The following ZFAND3 variants were observed in gnomAD, a reference collection of about 807,000 sequenced individuals.
ZFAND3 encodes AN1-type zinc finger protein 3.
A neutral mutation model predicts 29.6 loss-of-function variants in ZFAND3; 10 were observed. The ratio of observed to expected loss-of-function variants is 0.34; its 90% CI spans 0.21 to 0.57. ZFAND3 has a LOEUF of 0.57. ZFAND3 is among the 20% of genes least tolerant of loss of function. ZFAND3 has a pLI of 0.86. For missense variants in ZFAND3, 230 were observed against 304.5 expected, an observed-to-expected ratio of 0.76 and a Z score of 1.82; for synonymous variants, 128 against 112.6, an observed-to-expected ratio of 1.14 and a Z score of -0.87.
chr6:37,949,898 A>T (rs1761966855), intron 2 of ZFAND3, among the ~76,000 whole-genome samples: 2 of 152,128 alleles, frequency 1.3e-5, no homozygotes, highest in African/African-American at 2.4e-5. Flanking sequence ...TTGGGTTTTT[A>T]TGGAAGCTTC....
chr6:37,980,261 C>T (rs1029690545), intron 2 of ZFAND3, among the ~76,000 whole-genome samples: 1 of 151,924 alleles, frequency 6.6e-6, no homozygotes, highest in African/African-American at 2.4e-5. Flanking sequence ...AAATCCAGTC[C>T]CTGTTAACCT....
At chr6:37,831,746 A>G (rs1482989657) in intron 1 of ZFAND3, among the ~76,000 whole-genome samples, 1 of 152,172 alleles carries the variant, frequency 6.6e-6, no homozygotes, top group Non-Finnish European at 1.5e-5. Flanking sequence ...GCACAGAGGA[A>G]TGGGAAAGTG....
At chr6:37,844,438 C>T (rs1357039190) in intron 1 of ZFAND3, among the ~76,000 whole-genome samples, 2 of 151,986 alleles carry the variant, frequency 1.3e-5, no homozygotes, top group South Asian at 2.1e-4. Flanking sequence ...CCCGCCACCA[C>T]ACCCGGCTAA....
intron 2 of ZFAND3, among the ~76,000 whole-genome samples, chr6:38,009,999 T>G (rs1763118202): frequency 6.6e-6 from 1 of 152,206 alleles, no homozygotes; most frequent in Non-Finnish European, 1.5e-5. Flanking sequence ...CTATGGCATA[T>G]TTCTGGTCGC....
In ZFAND3 at chr6:37,940,358, G is replaced by A. The variant is rs531276083; in HGVS notation, c.112+10359G>A. Among the ~76,000 whole-genome samples, 19 of 152,246 alleles carry A rather than the reference G, an allele frequency of 1.2e-4. 1 individual carries two copies. In the South Asian group the frequency reaches 3.9e-3, roughly 32 times the overall value. ...TTTTTCCTGGATATAATACCCACTT[G>A]TACTTAATTCTTAGTCCACAGTAGG... On this transcript the variant is annotated intron_variant, in intron 2 of 5. Transcript: ENST00000287218.
At chr6:38,141,426 T>G (rs903280412) in intron 5 of ZFAND3, among the ~76,000 whole-genome samples, 2 of 152,232 alleles carry the variant, frequency 1.3e-5, no homozygotes, top group African/African-American at 4.8e-5. Flanking sequence ...AGCTCCTCTC[T>G]GATGTCCTTG....
chr6:37,902,053 C>G (rs1282615096), intron 1 of ZFAND3, among the ~76,000 whole-genome samples: 1 of 151,952 alleles, frequency 6.6e-6, no homozygotes, highest in Non-Finnish European at 1.5e-5. Context: ...TTAAATTCAG[C>G]GTTTGTATTT....
At chr6:38,138,898 C>T (rs76626862) in intron 5 of ZFAND3, among the ~76,000 whole-genome samples, 1 of 152,032 alleles carries the variant, frequency 6.6e-6, no homozygotes, top group African/African-American at 2.4e-5. Context: ...CATTGGATAT[C>T]GGGATTTGGA....
intron 5 of ZFAND3, among the ~76,000 whole-genome samples, chr6:38,142,787 A>G (rs1036702500): frequency 6.6e-6 from 1 of 152,230 alleles, no homozygotes; most frequent in Admixed American, 6.5e-5. Flanking sequence ...GGTTAATGCC[A>G]TCTGCTTTCA....
chr6:38,151,453 T>C (rs1766223324), intron 5 of ZFAND3, among the ~76,000 whole-genome samples: 1 of 149,806 alleles, frequency 6.7e-6, no homozygotes, highest in Admixed American at 6.6e-5. Context: ...GGGGTCCGAG[T>C]GTGGGCATCT....
intron 2 of ZFAND3, among the ~76,000 whole-genome samples, chr6:37,934,085 T>A (rs1490974434): frequency 2.0e-5 from 3 of 151,846 alleles, no homozygotes; most frequent in African/African-American, 7.3e-5. Context: ...ACAGAGTTTC[T>A]CCATGTTGGT....
chr6:38,100,932 A>T (rs1385832204), intron 4 of ZFAND3, among the ~76,000 whole-genome samples: 1 of 152,246 alleles, frequency 6.6e-6, no homozygotes, highest in East Asian at 1.9e-4. Context: ...AATCGCAGAC[A>T]TGACACCCTT....
At chr6:37,867,809 C>G (rs1056357340) in intron 1 of ZFAND3, among the ~76,000 whole-genome samples, 14 of 152,234 alleles carry the variant, frequency 9.2e-5, no homozygotes, top group Non-Finnish European at 1.9e-4. Flanking sequence ...TGACATGAAC[C>G]TGAATATTAG....
intron 2 of ZFAND3, among the ~76,000 whole-genome samples, chr6:37,981,373 G>C (rs1762577213): frequency 6.6e-6 from 1 of 152,142 alleles, no homozygotes; most frequent in Non-Finnish European, 1.5e-5. Flanking sequence ...TTTCAGATTT[G>C]GACTAAGTGA....
intron 2 of ZFAND3, 58 bp from the exon 3 acceptor site, chr6:38,061,535 T>G: frequency 1.3e-6 from 2 of 1,591,314 alleles, no homozygotes; most frequent in Non-Finnish European, 1.7e-6. Context: ...TTCCATTGTT[T>G]TCTAATCCTC....
In ZFAND3 at chr6:38,036,814, A is replaced by G. The variant is rs112612787; in HGVS notation, c.113-24779A>G. On this transcript the variant is annotated intron_variant, in intron 2 of 5. Transcript: ENST00000287218. Reference sequence around the variant, plus strand: ...TTTTAACAGAAACAGGGTCTTAACTATGTTTTCCAGGCTGGTCTCAAACCC... The same window carrying G: ...TTTTAACAGAAACAGGGTCTTAACTGTGTTTTCCAGGCTGGTCTCAAACCC... 8.5e-4 allele frequency among the ~76,000 whole-genome samples: 129 copies of G among 152,224 alleles called. 1 individual carries two copies. Among genetic ancestry groups the G allele is most frequent in the African/African-American group, 1.3e-3 (52 of 41,516 alleles).
At chr6:37,822,633 T>TGACAGA (rs1763687514) in intron 1 of ZFAND3, among the ~76,000 whole-genome samples, 3 of 152,176 alleles carry the variant, frequency 2.0e-5, no homozygotes, top group African/African-American at 7.2e-5. Context: ...TGCAATACGT[T>TGACAGA]GTACAGGTGC....
chr6:38,020,985 T>C (rs978004908), intron 2 of ZFAND3, among the ~76,000 whole-genome samples: 1 of 152,194 alleles, frequency 6.6e-6, no homozygotes, highest in Non-Finnish European at 1.5e-5. Context: ...TGGGTCAAAT[T>C]TATTAGTGTT....
At chr6:37,958,946 A>T (rs944070534) in intron 2 of ZFAND3, among the ~76,000 whole-genome samples, 3 of 152,246 alleles carry the variant, frequency 2.0e-5, no homozygotes, top group African/African-American at 7.2e-5. Context: ...AAAAATGGTT[A>T]AAGGGCTTTA....
Sources: gnomAD v4.1 joint callset for allele counts (sites outside exome capture counted in the v4.1 genomes callset) on GRCh38, gnomAD v4.1.1 for gene constraint, MANE v1.5 for transcripts, NCBI Gene and HGNC (gene_info 2026-07-23, HGNC 2026-07-21) for gene names.